PER3: variants seen among roughly 807,000 people sequenced by gnomAD.
PER3 encodes the protein period circadian protein homolog 3.
In PER3, 107 loss-of-function variants were observed where a neutral mutation model predicts 127.2. The observed-to-expected ratio is 0.84, with a 90% confidence interval of 0.72 to 0.99. The LOEUF (loss-of-function observed/expected upper bound fraction) is 0.99. PER3 is among the 50% of genes least tolerant of loss of function. The pLI is 0.00. For synonymous variants in PER3, 618 were observed against 585.8 expected (o/e 1.05, Z -0.79); for missense variants, 1,560 against 1,525.8 (o/e 1.02, Z -0.37).
intron 8 of PER3, among the ~76,000 whole-genome samples, chr1:7,802,396 G>A (rs1288974718): frequency 6.6e-6 from 1 of 152,050 alleles, no homozygotes; most frequent in Non-Finnish European, 1.5e-5. Flanking sequence ...CCAAATAACT[G>A]AGATTACAGG....
At chr1:7,786,171 C>T (rs567679895) in intron 3 of PER3, among the ~76,000 whole-genome samples, 125 of 152,310 alleles carry the variant, frequency 8.2e-4, no homozygotes, top group Admixed American at 8.5e-4. Context: ...AGGAGAACGG[C>T]GTGAACCCGG....
intron 9 of PER3, 141 bp from the exon 10 acceptor site, chr1:7,803,551 G>A (rs2097179885): frequency 3.3e-6 from 2 of 606,796 alleles, no homozygotes; most frequent in South Asian, 2.2e-5. Context: ...TCATGCCACT[G>A]CACTCCAGCC....
At chr1:7,785,325 T>C (rs2097081804) in intron 2 of PER3, 116 bp from the exon 3 acceptor site, 3 of 784,578 alleles carry the variant, frequency 3.8e-6, no homozygotes, top group Non-Finnish European at 6.4e-6. Context: ...CACCACCCTG[T>C]GGACTGATGC....
rs1439317395 is a variant in PER3, at chr1:7,826,710, G to T, written c.2188G>T (p.Gly730Ter). The T allele has an allele frequency of 3.2e-6, 5 of 1,569,294 alleles. No individual in the cohort carries two copies. The highest frequency in any genetic ancestry group is 4.4e-6 in the Non-Finnish European group (5 of 1,139,822). The change falls in exon 17 of 22, where the codon GGA (glycine) becomes TGA (stop). Residue 730 changes from glycine (G) to a stop codon, truncating the protein, a stop_gained and splice_region_variant. Coordinates refer to ENST00000377532, the MANE Select transcript of PER3 (RefSeq NM_001377275.1). LOFTEE classifies it high-confidence loss of function. This position sits in a 1 kb window ranked among gnomAD's most constrained non-coding sequence, Gnocchi z 4.2. ...RSKAKYSYFQ[G>*]DSTSKQTRSA... ...CAAAGCTAAATATTCATATTTTCAA[G>T]GTACGTAATTTTTTAAAAATAAATG...
intron 13 of PER3, among the ~76,000 whole-genome samples, chr1:7,810,969 T>G (rs1376085355): frequency 6.6e-6 from 1 of 152,230 alleles, no homozygotes; most frequent in African/African-American, 2.4e-5. Context: ...TTCTGTCATT[T>G]CAAACAGAAA....
In PER3 at chr1:7,826,429, A is replaced by G. The variant is rs538381009; in HGVS notation, c.1958-51A>G. ...AAAGGCAGTTAACAAAGTAAAATAA[A>G]TACAAATAATTGATAGGAATTAAAA... On this transcript the variant is annotated intron_variant, in intron 16 of 21. Coordinates refer to ENST00000377532, the MANE Select transcript of PER3 (RefSeq NM_001377275.1). The surrounding 1 kb of genome is among the most constrained non-coding windows in gnomAD (Gnocchi z 4.2). 1 of 1,008,508 alleles carries G rather than the reference A, an allele frequency of 9.9e-7. No individual in the cohort carries two copies. Among genetic ancestry groups the G allele is most frequent in the Admixed American group, 1.9e-5 (1 of 52,650 alleles). 62.5% of individuals were successfully genotyped at this position (1,008,508 alleles called of 1,614,324 possible).
intron 6 of PER3, among the ~76,000 whole-genome samples, chr1:7,794,400 G>A (rs2150554997): frequency 6.6e-6 from 1 of 152,264 alleles, no homozygotes; most frequent in South Asian, 2.1e-4. Flanking sequence ...GGCTGAGGCA[G>A]GAGAATAGCT....
At chr1:7,788,796 C>T (rs937282061) in intron 5 of PER3, among the ~76,000 whole-genome samples, 3 of 151,802 alleles carry the variant, frequency 2.0e-5, no homozygotes, top group African/African-American at 7.3e-5. Context: ...CCCAGCTACT[C>T]AGGAGGTTGA....
intron 8 of PER3, among the ~76,000 whole-genome samples, chr1:7,801,822 G>A (rs972568805): frequency 6.6e-6 from 1 of 151,920 alleles, no homozygotes; most frequent in Non-Finnish European, 1.5e-5. Flanking sequence ...TCAGTATCCC[G>A]CATTTTTTCC....
At chr1:7,837,415 T>A (rs190693126) in intron 21 of PER3, among the ~76,000 whole-genome samples, 1 of 152,192 alleles carries the variant, frequency 6.6e-6, no homozygotes, top group African/African-American at 2.4e-5. Flanking sequence ...CCAGTTGGAA[T>A]GTTAGGGTAC....
At chr1:7,827,040 T>G in intron 17 of PER3, 78 bp from the exon 18 acceptor site, 2 of 1,125,042 alleles carry the variant, frequency 1.8e-6, no homozygotes, top group South Asian at 3.3e-5. Flanking sequence ...CAGCTACTTA[T>G]AACTACCTGT....
At chr1:7,791,158 A>G (rs1166886070) in intron 5 of PER3, among the ~76,000 whole-genome samples, 1 of 152,178 alleles carries the variant, frequency 6.6e-6, no homozygotes, top group Non-Finnish European at 1.5e-5. Flanking sequence ...TTTCCCTTAC[A>G]CATCTCTCTT....
chr1:7,810,008 C>G lies in PER3; in HGVS notation c.1358C>G (p.Thr453Arg), dbSNP rs752096334. Residue 453 changes from threonine (T) to arginine (R), a missense_variant, in exon 12 of 22, where the codon ACG becomes AGG. Transcript: ENST00000377532. ...GCCAGTGGGCACCGTGTGGAGGAGACGAAGGCGGAGCAGGTGCATGGGCTT... is the reference window on the plus strand; with the variant it reads ...GCCAGTGGGCACCGTGTGGAGGAGAGGAAGGCGGAGCAGGTGCATGGGCTT... ...SEASGHRVEE[T>R]KAEQMTLQQV... The G allele has an allele frequency of 6.2e-7, 1 of 1,613,408 alleles. No individual in the cohort carries two copies. Among genetic ancestry groups the G allele is most frequent in the Non-Finnish European group, 8.5e-7 (1 of 1,179,652 alleles).
intron 13 of PER3, among the ~76,000 whole-genome samples, chr1:7,815,486 A>C (rs911146445): frequency 4.6e-5 from 7 of 152,248 alleles, no homozygotes; most frequent in Non-Finnish European, 1.0e-4. Context: ...AGACTGTGTA[A>C]CAGATAAAGG....
At chr1:7,825,100 G>C (rs1045873692) in intron 16 of PER3, among the ~76,000 whole-genome samples, 6 of 151,446 alleles carry the variant, frequency 4.0e-5, no homozygotes, top group Non-Finnish European at 8.8e-5. Flanking sequence ...AACTTGGCCA[G>C]AAGCAAAGCC....
Position 7,822,341 on chromosome 1 carries a change from C to T in PER3, c.1957+1701C>T, listed in dbSNP as rs547666098. 1.2e-4 allele frequency among the ~76,000 whole-genome samples: 19 copies of T among 152,052 alleles called. No individual in the cohort carries two copies. In the South Asian group the frequency reaches 3.7e-3, roughly 30 times the overall value. On this transcript the variant is annotated intron_variant, in intron 16 of 21. Transcript: ENST00000377532. ...TGCGATCTCAGCTCACTACAGCCTCCACCTCCCGGATTCAAGCGATTCTCC... is the reference window on the plus strand; with the variant it reads ...TGCGATCTCAGCTCACTACAGCCTCTACCTCCCGGATTCAAGCGATTCTCC...
rs1177400862 is a variant in PER3, at chr1:7,827,300, C to T, written c.2371C>T (p.Pro791Ser). The T allele has an allele frequency of 6.2e-7, 1 of 1,613,774 alleles. No individual in the cohort carries two copies. Among genetic ancestry groups the T allele is most frequent in the Non-Finnish European group, 8.5e-7 (1 of 1,179,840 alleles). The change falls in exon 18 of 22, where the codon CCG becomes TCG. Residue 791 changes from proline to serine, a missense_variant. By Grantham distance (74) the Pro-to-Ser change is moderately conservative. Transcript: ENST00000377532. ...SAASSPHTSSPTFPPAAMVPS... is the reference protein window; with the variant it reads ...SAASSPHTSSSTFPPAAMVPS... The stretch of plus-strand genomic sequence containing the variant: ...GGCCTCCTCTCCGCACACCTCGAGC[C>T]CGACCTTCCCACCTGCCGCCATGGT...
At position 7,808,930 on chromosome 1, in the gene PER3, A is replaced by G. The variant is rs1325838097; in HGVS notation, c.1174A>G (p.Lys392Glu). The change falls in exon 11 of 22, where the codon AAA (lysine) becomes GAA (glutamate). Residue 392 changes from lysine (K) to glutamate (E), a missense_variant. Coordinates refer to ENST00000377532, the MANE Select transcript of PER3 (RefSeq NM_001377275.1). ...TGAGGATGTTTTTGCTACCAAAATT[A>G]AAAAGATGAACGATAATGACAAAGA... The part of the protein sequence containing the change: ...LNEDVFATKI[K>E]KMNDNDKDIT... The G allele has an allele frequency of 6.2e-7, 1 of 1,602,116 alleles. No individual in the cohort carries two copies. Among genetic ancestry groups the G allele is most frequent in the Non-Finnish European group, 8.5e-7 (1 of 1,169,884 alleles).
In PER3 at chr1:7,808,896, C is replaced by T; in HGVS notation, c.1140C>T (p.Ser380=). Residue 380 remains serine (S), a synonymous_variant, in exon 11 of 22, where the codon AGC becomes AGT. Coordinates refer to ENST00000377532, the MANE Select transcript of PER3 (RefSeq NM_001377275.1). ...FIIGRHKVRT[S]PLNEDVFATK... is the part of the protein sequence containing the mutation. The stretch of plus-strand genomic sequence containing the variant: ...TCTCTCACTGGGCATTTTCTAGGAG[C>T]CCACTAAATGAGGATGTTTTTGCTA... 1.9e-6 allele frequency: 3 copies of T among 1,550,358 alleles called. No individual in the cohort carries two copies. The highest frequency in any genetic ancestry group is 2.7e-6 in the Non-Finnish European group (3 of 1,123,606).
Sources: gnomAD v4.1 joint callset for allele counts (sites outside exome capture counted in the v4.1 genomes callset) on GRCh38, gnomAD v4.1.1 for gene constraint, Gnocchi (gnomAD v3.1) non-coding constraint, MANE v1.5 for transcripts, NCBI Gene and HGNC (gene_info 2026-07-23, HGNC 2026-07-21) for gene names.